IKZF1: variants seen among roughly 807,000 people sequenced by gnomAD.
The protein encoded by IKZF1 is IKAROS family zinc finger 1, also known as DNA-binding protein Ikaros.
In IKZF1, 10 loss-of-function variants were observed where a neutral mutation model predicts 51.7. The observed-to-expected ratio is 0.19, with a 90% CI of 0.12 to 0.33. IKZF1 has a LOEUF of 0.33. Ranked by LOEUF, IKZF1 falls within the 10% of genes least tolerant of loss-of-function variation. IKZF1 has a pLI of 1.00. For synonymous variants in IKZF1, 280 were observed against 282.3 expected (o/e 0.99, Z 0.08); for missense variants, 484 against 707.5 (o/e 0.68, Z 3.58).
intron 3 of IKZF1, among the ~76,000 whole-genome samples, chr7:50,346,605 C>T (rs1236770609): frequency 6.6e-6 from 1 of 152,176 alleles, no homozygotes; most frequent in Admixed American, 6.5e-5. Flanking sequence ...GTGCCCAAGT[C>T]CTTCCTAGAA....
At chr7:50,380,497 C>T (rs764538443) in intron 4 of IKZF1, among the ~76,000 whole-genome samples, 30 of 152,326 alleles carry the variant, frequency 2.0e-4, no homozygotes, top group African/African-American at 4.3e-4. Context: ...CTGCCCAGCA[C>T]GGAAGGGGGT....
At chr7:50,367,358 T>C (rs1807257015) in intron 3 of IKZF1, among the ~76,000 whole-genome samples, 1 of 152,172 alleles carries the variant, frequency 6.6e-6, no homozygotes, top group African/African-American at 2.4e-5. Context: ...ATGTGCAGAA[T>C]CTACCAAATC....
intron 1 of IKZF1, among the ~76,000 whole-genome samples, chr7:50,317,552 G>A (rs933798768): frequency 6.6e-5 from 10 of 152,096 alleles, no homozygotes; most frequent in African/African-American, 2.4e-4. Flanking sequence ...GCTGGTGGAT[G>A]CTTACTCTGT....
intron 3 of IKZF1, among the ~76,000 whole-genome samples, chr7:50,360,265 C>G (rs73348134): frequency 3.3e-5 from 5 of 152,002 alleles, no homozygotes; most frequent in African/African-American, 4.8e-5. Context: ...TGACACCCTG[C>G]CAGCCCTGGG....
At position 50,401,088 on chromosome 7, in the gene IKZF1, A is replaced by AGGTG. The variant is rs1161360506; in HGVS notation, c.*462_*465dup. 1 of 281,460 alleles carries AGGTG rather than the reference A, an allele frequency of 3.6e-6. No homozygotes were observed. The highest frequency in any genetic ancestry group is 5.8e-5 in the East Asian group (1 of 17,224). 17.4% of individuals were successfully genotyped at this position (281,460 alleles called of 1,614,324 possible). On this transcript the variant is annotated 3_prime_UTR_variant, in exon 8 of 8. Coordinates refer to ENST00000331340, the MANE Select transcript of IKZF1 (RefSeq NM_006060.6). ...CACAGCCCCTGCTGTGTGGGTCTGC[A>AGGTG]GGTGAGCAGACAGGACAGGTGTGCC... is the stretch of plus-strand genomic sequence containing the variant.
chr7:50,384,177 G>A (rs1272660584), intron 5 of IKZF1, among the ~76,000 whole-genome samples: 1 of 152,238 alleles, frequency 6.6e-6, no homozygotes, highest in African/African-American at 2.4e-5. Flanking sequence ...CTAAACTAGT[G>A]TGTGAGTCGG....
chr7:50,313,809 A>G (rs1421086592), intron 1 of IKZF1, among the ~76,000 whole-genome samples: 2 of 152,232 alleles, frequency 1.3e-5, no homozygotes, highest in African/African-American at 4.8e-5. Context: ...TCTACATTGG[A>G]CACTATGCCA....
chr7:50,322,106 C>G (rs769246411), intron 2 of IKZF1, among the ~76,000 whole-genome samples: 3 of 152,134 alleles, frequency 2.0e-5, no homozygotes, highest in East Asian at 1.9e-4. Context: ...TCTACTTCTT[C>G]GAGTTTGATC....
In IKZF1 at chr7:50,400,806, A is replaced by G; in HGVS notation, c.*179A>G. ...TTGATTGGGGTTTGATTTGCTTTTG[A>G]AAAGATTTTTATTTTTAGAGGCAGG... On this transcript the variant is annotated 3_prime_UTR_variant, in exon 8 of 8. Transcript: ENST00000331340. The surrounding 1 kb of genome is among the most constrained non-coding windows in gnomAD (Gnocchi z 5.4). The G allele has an allele frequency of 1.2e-6, 1 of 810,304 alleles. No individual in the cohort carries two copies. The highest frequency in any genetic ancestry group is 1.9e-6 in the Non-Finnish European group (1 of 530,414). The allele number at this position is 810,304 out of a possible 1,614,324, so 50.2% of individuals were successfully genotyped here.
In IKZF1 at chr7:50,326,013, G is replaced by A. The variant is rs139967398; in HGVS notation, c.41-1625G>A. Among the ~76,000 whole-genome samples, 392 of 152,262 alleles carry A rather than the reference G, an allele frequency of 2.6e-3. 1 individual carries two copies. Among genetic ancestry groups the A allele is most frequent in the Non-Finnish European group, 3.4e-3 (231 of 68,014 alleles). ...CAATTGTGGTAATTACAGCTAAGCT[G>A]GAATATTAAATTGTGATGTCTGTTT... On this transcript the variant is annotated intron_variant, in intron 2 of 7. Transcript: ENST00000331340.
intron 3 of IKZF1, chr7:50,369,020 A>G (rs929915691): frequency 1.5e-4 from 33 of 224,602 alleles, no homozygotes; most frequent in African/African-American, 7.3e-4. Flanking sequence ...TAGATTGGCT[A>G]CTTTTCCAGC....
chr7:50,348,956 G>A lies in IKZF1; in HGVS notation c.160+21199G>A, dbSNP rs1221375394. On this transcript the variant is annotated intron_variant, in intron 3 of 7. Coordinates refer to ENST00000331340, the MANE Select transcript of IKZF1 (RefSeq NM_006060.6). ...GAGGAAGGTCCCTGGCACAGGTCCA[G>A]TCTCCAGCATGGCCTAGAGGTGGCA... is the stretch of plus-strand genomic sequence containing the variant. Among the ~76,000 whole-genome samples the A allele has an allele frequency of 2.0e-5, 3 of 152,166 alleles. No individual in the cohort carries two copies. In the East Asian group the frequency reaches 5.8e-4, roughly 29 times the overall value.
At chr7:50,327,588 G>C (rs1385706359) in intron 2 of IKZF1, 50 bp from the exon 3 acceptor site, 1 of 1,536,950 alleles carries the variant, frequency 6.5e-7, no homozygotes, top group East Asian at 2.4e-5. Context: ...GGGAAGCCCA[G>C]GCACCTTGAC....
intron 3 of IKZF1, chr7:50,367,529 C>G (rs1167264020): frequency 6.5e-6 from 1 of 152,976 alleles, no homozygotes; most frequent in Non-Finnish European, 1.5e-5. Flanking sequence ...TTCCCCCACC[C>G]AATGTGCTGC....
intron 3 of IKZF1, among the ~76,000 whole-genome samples, chr7:50,344,435 A>T (rs752548429): frequency 6.6e-6 from 1 of 152,176 alleles, no homozygotes; most frequent in Non-Finnish European, 1.5e-5. Flanking sequence ...CTCTTCACAC[A>T]TCCCCAACCC....
chr7:50,373,297 C>G (rs2153462563), intron 3 of IKZF1, among the ~76,000 whole-genome samples: 1 of 152,352 alleles, frequency 6.6e-6, no homozygotes, highest in Non-Finnish European at 1.5e-5. Flanking sequence ...CACTGATCAA[C>G]AGCACACGCC....
intron 1 of IKZF1, chr7:50,318,577 A>C: frequency 4.5e-6 from 1 of 220,182 alleles, no homozygotes; most frequent in Non-Finnish European, 9.1e-6. Flanking sequence ...GGTAAATGAG[A>C]CATTCTTCAG....
intron 3 of IKZF1, among the ~76,000 whole-genome samples, chr7:50,353,274 G>GAGCA (rs1802342336): frequency 6.6e-6 from 1 of 152,096 alleles, no homozygotes; most frequent in African/African-American, 2.4e-5. Flanking sequence ...TAGAGAGAGA[G>GAGCA]AGCAAGCAAG....
chr7:50,385,526 TC>T (rs1402555955), intron 5 of IKZF1, among the ~76,000 whole-genome samples: 1 of 152,226 alleles, frequency 6.6e-6, no homozygotes, highest in Non-Finnish European at 1.5e-5. Flanking sequence ...CCTCATGGCT[TC>T]CTTTGGAAGT....
Sources: allele counts gnomAD v4.1 joint callset (sites outside exome capture counted in the v4.1 genomes callset), GRCh38; gene constraint gnomAD v4.1.1; non-coding constraint Gnocchi (gnomAD v3.1); transcripts MANE v1.5; gene names NCBI Gene and HGNC (gene_info 2026-07-23, HGNC 2026-07-21).